KMT2E: variants seen among roughly 807,000 people sequenced by gnomAD.
KMT2E encodes the protein lysine methyltransferase 2E (inactive), also known as histone reader KMT2E.
A neutral mutation model predicts 184.6 loss-of-function variants in KMT2E; 30 were observed. That is an observed-to-expected ratio of 0.16 (90% CI 0.12 to 0.22). The LOEUF is 0.22. Ranked by LOEUF, KMT2E falls within the 10% of genes least tolerant of loss-of-function variation. The pLI is 1.00. For synonymous variants in KMT2E, 815 were observed against 776.5 expected, an observed-to-expected ratio of 1.05 and a Z score of -0.82; for missense variants, 2,023 against 2,237.4, an observed-to-expected ratio of 0.90 and a Z score of 1.93.
chr7:105,071,208 A>C (rs1277915499), intron 6 of KMT2E, among the ~76,000 whole-genome samples: 1 of 152,150 alleles, frequency 6.6e-6, no homozygotes, highest in Non-Finnish European at 1.5e-5. Context: ...TACTCTATTC[A>C]ACTAGTTGCC....
At position 105,105,975 on chromosome 7, in the gene KMT2E, A is replaced by G. The variant is rs1798881380; in HGVS notation, c.2568A>G (p.Leu856=). The change falls in exon 19 of 27, where the codon CTA becomes CTG. Residue 856 remains leucine (L), a synonymous_variant. Coordinates refer to ENST00000311117, the MANE Select transcript of KMT2E (RefSeq NM_182931.3). The stretch of plus-strand genomic sequence containing the variant: ...TCAATGGTGAAAATAAAAGTCCACT[A>G]CTATTAAATGACAGCTGTTCCCTTC... ...PAVNGENKSP[L]LLNDSCSLPD... The G allele has an allele frequency of 6.2e-7, 1 of 1,611,018 alleles. No homozygotes were observed. Among genetic ancestry groups the G allele is most frequent in the Non-Finnish European group, 8.5e-7 (1 of 1,179,186 alleles).
At chr7:105,047,286 G>T (rs1004347616) in intron 3 of KMT2E, among the ~76,000 whole-genome samples, 3 of 152,266 alleles carry the variant, frequency 2.0e-5, no homozygotes, top group African/African-American at 7.2e-5. Flanking sequence ...TGTATAAACA[G>T]TGTAGGCAGA....
chr7:105,031,754 ATAAATAAATAAAT>A (rs1795428871), intron 1 of KMT2E, among the ~76,000 whole-genome samples: 1 of 149,814 alleles, frequency 6.7e-6, no homozygotes, highest in South Asian at 2.1e-4. Context: ...TGTCTCAAAA[ATAAATAAATAAAT>A]TAAATAAATA....
chr7:105,020,828 T>C (rs938901062), intron 1 of KMT2E, among the ~76,000 whole-genome samples: 3 of 152,298 alleles, frequency 2.0e-5, no homozygotes, highest in Admixed American at 6.5e-5. Flanking sequence ...CAGTGGTTTT[T>C]AGTAAAAAGT....
intron 1 of KMT2E, among the ~76,000 whole-genome samples, chr7:105,034,641 G>A (rs1217329848): frequency 6.6e-6 from 1 of 152,038 alleles, no homozygotes; most frequent in African/African-American, 2.4e-5. Context: ...ATGATCACAT[G>A]TGTGGGTACC....
Position 105,062,296 on chromosome 7 carries a change from C to A in KMT2E, c.186+18C>A, listed in dbSNP as rs753988063. 2 of 1,505,852 alleles carry A rather than the reference C, an allele frequency of 1.3e-6. No homozygotes were observed. The highest frequency in any genetic ancestry group is 1.2e-5 in the South Asian group (1 of 84,464). 93.3% of individuals were successfully genotyped at this position (1,505,852 alleles called of 1,614,324 possible). ...CCTATGCGGTAAGTGTTAAACACTTCTTTGAAAAAACATTTTTAAATTTAG... is the reference window on the plus strand; with the variant it reads ...CCTATGCGGTAAGTGTTAAACACTTATTTGAAAAAACATTTTTAAATTTAG... On this transcript the variant is annotated intron_variant, in intron 4 of 26. Transcript: ENST00000311117.
chr7:105,066,920 G>GAGCCACCATGCCCGGCT, intron 6 of KMT2E, 113 bp downstream of exon 6: 1 of 771,062 alleles, frequency 1.3e-6, no homozygotes, highest in Non-Finnish European at 2.2e-6. Flanking sequence ...AGCCGGGCAT[G>GAGCCACCATGCCCGGCT]GTGGCTCATG....
intron 3 of KMT2E, among the ~76,000 whole-genome samples, chr7:105,057,708 C>T (rs1171137233): frequency 6.6e-6 from 1 of 152,044 alleles, no homozygotes; most frequent in Non-Finnish European, 1.5e-5. Context: ...CCTTTTGGCC[C>T]CCAAAAGTGC....
At chr7:105,070,633 A>C (rs1429071788) in intron 6 of KMT2E, among the ~76,000 whole-genome samples, 1 of 33,596 alleles carries the variant, frequency 3.0e-5, no homozygotes, top group African/African-American at 4.3e-4. Context: ...ACTGTGTCTC[A>C]AAAAAAAAAA....
In KMT2E at chr7:105,112,888, T is replaced by A. The variant is rs1313131113; in HGVS notation, c.5132T>A (p.Val1711Glu). The A allele has an allele frequency of 4.3e-6, 7 of 1,609,700 alleles. No individual in the cohort carries two copies. Among genetic ancestry groups the A allele is most frequent in the Non-Finnish European group, 5.9e-6 (7 of 1,178,848 alleles). Reference sequence around the variant, plus strand: ...CTACAAGCACAACACCAGCATGTTGTAAATTCAGCACCCCCACCACCCCCT... The same window carrying A: ...CTACAAGCACAACACCAGCATGTTGAAAATTCAGCACCCCCACCACCCCCT... Reference protein sequence around the residue: ...QGLQAQHQHVVNSAPPPPPPP... With the variant: ...QGLQAQHQHVENSAPPPPPPP... Residue 1711 changes from valine (V) to glutamate (E), a missense_variant, in exon 27 of 27, where the codon GTA becomes GAA. This residue lies in a region of KMT2E where 1,108 missense variants were observed against 1,050.9 expected (regional missense o/e 1.05). Transcript: ENST00000311117.
chr7:105,085,814 AC>A (rs1232882315), intron 13 of KMT2E, among the ~76,000 whole-genome samples: 1 of 151,504 alleles, frequency 6.6e-6, no homozygotes, highest in African/African-American at 2.4e-5. Flanking sequence ...GAGTATAGGC[AC>A]CCGCCACCAT....
intron 1 of KMT2E, among the ~76,000 whole-genome samples, chr7:105,016,019 C>G (rs1794702764): frequency 6.6e-6 from 1 of 151,610 alleles, no homozygotes; most frequent in Non-Finnish European, 1.5e-5. Context: ...TTGGTTTAAT[C>G]CAACCATCTT....
In KMT2E at chr7:105,076,945, C is replaced by A; in HGVS notation, c.769-18C>A. ...AAGTCCGTAAGTCCAGATACTAAAG[C>A]TCAGTTTATGATTTTAGGGTTCAGC... On this transcript the variant is annotated intron_variant, in intron 9 of 26. Coordinates refer to ENST00000311117, the MANE Select transcript of KMT2E (RefSeq NM_182931.3). The A allele has an allele frequency of 6.4e-7, 1 of 1,557,176 alleles. No individual in the cohort carries two copies. Among genetic ancestry groups the A allele is most frequent in the Non-Finnish European group, 8.8e-7 (1 of 1,131,188 alleles).
At chr7:105,109,740 C>T (rs1026097582) in intron 23 of KMT2E, among the ~76,000 whole-genome samples, 7 of 152,156 alleles carry the variant, frequency 4.6e-5, no homozygotes, top group African/African-American at 1.7e-4. Context: ...TCTTCAACTC[C>T]TTGCCTTCTT....
In KMT2E at chr7:105,076,868, AATTTTGTGTGTGTGTG is replaced by A. The variant is rs764462102; in HGVS notation, c.769-94_769-79del. 216 of 804,244 alleles carry A rather than the reference AATTTTGTGTGTGTGTG, an allele frequency of 2.7e-4. 1 individual carries two copies. The highest frequency in any genetic ancestry group is 1.4e-3 in the Middle Eastern group (6 of 4,338). The allele number at this position is 804,244 out of a possible 1,614,324, so 49.8% of individuals were successfully genotyped here. On this transcript the variant is annotated intron_variant, in intron 9 of 26. Transcript: ENST00000311117. The stretch of plus-strand genomic sequence containing the variant: ...ATGTTCTTTTGTATAGATTGCCGTT[AATTTTGTGTGTGTGTG>A]TGTGTGTGTGTGTGTGTGTGTGTGT...
At chr7:105,020,915 A>G (rs1310663795) in intron 1 of KMT2E, among the ~76,000 whole-genome samples, 1 of 152,250 alleles carries the variant, frequency 6.6e-6, no homozygotes, top group Non-Finnish European at 1.5e-5. Context: ...TGGGTCTTTC[A>G]GAGAATGTGT....
rs1180421395 is a variant in KMT2E at position 105,112,800 on chromosome 7, C to G, written c.5044C>G (p.Pro1682Ala). The G allele has an allele frequency of 6.3e-7, 1 of 1,597,382 alleles. No homozygotes were observed. The highest frequency in any genetic ancestry group is 1.7e-4 in the Middle Eastern group (1 of 6,016). The change falls in exon 27 of 27, where the codon CCC becomes GCC. Residue 1682 changes from proline to alanine, a missense_variant. This residue lies in a region of KMT2E where 1,108 missense variants were observed against 1,050.9 expected (regional missense o/e 1.05). Coordinates refer to ENST00000311117, the MANE Select transcript of KMT2E (RefSeq NM_182931.3). Reference sequence around the variant, plus strand: ...TGGACACCACTTACCCCCACCCCCACCCCCTCCTGGTCCTGCCCCTCATCA... The same window carrying G: ...TGGACACCACTTACCCCCACCCCCAGCCCCTCCTGGTCCTGCCCCTCATCA... ...TAGHHLPPPP[P>A]PPGPAPHHHP... is the part of the protein sequence containing the mutation.
At chr7:105,100,926 C>T (rs1798629386) in intron 15 of KMT2E, among the ~76,000 whole-genome samples, 1 of 152,106 alleles carries the variant, frequency 6.6e-6, no homozygotes, top group Admixed American at 6.5e-5. Context: ...TGCCTGGAGT[C>T]ACAGAGATAC....
Position 105,111,849 on chromosome 7 carries a change from C to T in KMT2E, c.4093C>T (p.Pro1365Ser). The T allele has an allele frequency of 6.2e-7, 1 of 1,613,082 alleles. No individual in the cohort carries two copies. The highest frequency in any genetic ancestry group is 8.5e-7 in the Non-Finnish European group (1 of 1,179,592). The change falls in exon 27 of 27, where the codon CCT becomes TCT. Residue 1365 changes from proline to serine, a missense_variant. Coordinates refer to ENST00000311117, the MANE Select transcript of KMT2E (RefSeq NM_182931.3). ...GCCTGGTTCACCTGGATCTGTAATTCCTGCTCAAGCACACGGGAAAATATT... is the reference window on the plus strand; with the variant it reads ...GCCTGGTTCACCTGGATCTGTAATTTCTGCTCAAGCACACGGGAAAATATT... Reference protein sequence around the residue: ...SKPGSPGSVIPAQAHGKIFTK... With the variant: ...SKPGSPGSVISAQAHGKIFTK...
Sources: allele counts gnomAD v4.1 joint callset (sites outside exome capture counted in the v4.1 genomes callset), GRCh38; gene constraint gnomAD v4.1.1; regional missense constraint gnomAD v4.1.1; transcripts MANE v1.5; gene names NCBI Gene and HGNC (gene_info 2026-07-23, HGNC 2026-07-21).